TBC1D31: variants seen among roughly 807,000 people sequenced by gnomAD.
TBC1D31 encodes the protein TBC1 domain family member 31.
In TBC1D31, 99 loss-of-function variants were observed where a neutral mutation model predicts 132.9. The observed-to-expected ratio is 0.74, with a 90% CI of 0.63 to 0.88. TBC1D31 has a LOEUF of 0.88. TBC1D31 is among the 40% of genes least tolerant of loss of function. The pLI is 0.00. For missense variants in TBC1D31, 1,134 were observed against 1,256.6 expected (o/e 0.90, Z 1.48); for synonymous variants, 385 against 419.4 (o/e 0.92, Z 1.00).
At chr8:123,091,095 C>A (rs1380622787) in intron 4 of TBC1D31, among the ~76,000 whole-genome samples, 6 of 152,058 alleles carry the variant, frequency 3.9e-5, no homozygotes, top group Non-Finnish European at 7.4e-5. Context: ...CCTAACCCCC[C>A]AAAAAGTATA....
chr8:123,141,222 A>G (rs1211135465), intron 18 of TBC1D31, among the ~76,000 whole-genome samples: 1 of 152,216 alleles, frequency 6.6e-6, no homozygotes, highest in East Asian at 1.9e-4. Context: ...GCAAAGGAAT[A>G]GTGACTTTAC....
At position 123,144,740 on chromosome 8, in the gene TBC1D31, G is replaced by A. The variant is rs758359186; in HGVS notation, c.2859G>A (p.Glu953=). ...AGTGGAAGGAAGCTGAAGGAAAAGA[G>A]TTCCGTTTGAGATCAGCAAAGAAAG... is the stretch of plus-strand genomic sequence containing the variant. ...AKKWKEAEGK[E]FRLRSAKKAS... Residue 953 remains glutamate, a synonymous_variant, in exon 20 of 22, where the codon GAG becomes GAA. Transcript: ENST00000287380. 60 of 1,606,106 alleles carry A rather than the reference G, an allele frequency of 3.7e-5. No individual in the cohort carries two copies. The South Asian group carries it at 6.5e-4, about 17-fold the overall frequency.
In TBC1D31 at chr8:123,093,708, T is replaced by C; in HGVS notation, c.637T>C (p.Ser213Pro). 6.2e-7 allele frequency: 1 copy of C among 1,609,530 alleles called. No individual in the cohort carries two copies. Among genetic ancestry groups the C allele is most frequent in the East Asian group, 2.2e-5 (1 of 44,700 alleles). The change falls in exon 5 of 22, where the codon TCT becomes CCT. Residue 213 changes from serine (S) to proline (P), a missense_variant. Ser to Pro is a moderately conservative substitution (Grantham distance 74). Coordinates refer to ENST00000287380, the MANE Select transcript of TBC1D31 (RefSeq NM_145647.4). ...KYQLPAPPES[S>P]SILYKVFAVT... is the part of the protein sequence containing the mutation. ...TCAATTGCCAGCTCCACCTGAAAGC[T>C]CTAGTATATTATACAAAGTGTTTGC...
intron 2 of TBC1D31, among the ~76,000 whole-genome samples, chr8:123,082,010 A>C (rs1041632382): frequency 2.0e-5 from 3 of 152,238 alleles, no homozygotes; most frequent in African/African-American, 7.2e-5. Flanking sequence ...GCTCCTAGAA[A>C]AATTTAAATT....
At chr8:123,155,023 C>CG (rs919739288), downstream of TBC1D31, among the ~76,000 whole-genome samples, 2 of 152,162 alleles carry the variant, frequency 1.3e-5, no homozygotes, top group Non-Finnish European at 2.9e-5. The surrounding 1 kb of genome is among the most constrained non-coding windows in gnomAD (Gnocchi z 4.1). Context: ...ATAACTGCCA[C>CG]GCTTATACCA....
intron 10 of TBC1D31, among the ~76,000 whole-genome samples, chr8:123,117,645 C>T (rs12547724): frequency 0.57 from 84,645 of 149,140 alleles, 24,115 homozygotes; most frequent in Admixed American, 0.62. Context: ...CCCAGCTACT[C>T]GGGAGGCTGA....
chr8:123,091,108 T>A (rs1452011750), intron 4 of TBC1D31, among the ~76,000 whole-genome samples: 1 of 152,126 alleles, frequency 6.6e-6, no homozygotes, highest in African/African-American at 2.4e-5. Context: ...AAAGTATACT[T>A]TGTTAATGTT....
chr8:123,128,672 C>T (rs891889307), intron 14 of TBC1D31, among the ~76,000 whole-genome samples, 159 bp downstream of exon 14: 1 of 152,028 alleles, frequency 6.6e-6, no homozygotes, highest in Non-Finnish European at 1.5e-5. Context: ...GTCAGGAGTT[C>T]GAGACCAGCC....
At chr8:123,163,763 G>A in the TBC1D31 span, among the ~76,000 whole-genome samples, 1 of 152,270 alleles carries the variant, frequency 6.6e-6, no homozygotes, top group Non-Finnish European at 1.5e-5. Context: ...TGATTTCTGA[G>A]ATTTTGGTGC....
In TBC1D31 at chr8:123,128,332, G is replaced by A; in HGVS notation, c.1936G>A (p.Val646Ile). 1 of 1,613,260 alleles carries A rather than the reference G, an allele frequency of 6.2e-7. No individual in the cohort carries two copies. Among genetic ancestry groups the A allele is most frequent in the South Asian group, 1.1e-5 (1 of 91,030 alleles). ...GGATATAAATGTTGTGATTAGACAA[G>A]TTTATCATCTCATGGAGACCACGCC... ...NLDINVVIRQ[V>I]YHLMETTPTD... Residue 646 changes from valine to isoleucine, a missense_variant, in exon 14 of 22, where the codon GTT becomes ATT. By Grantham distance (29) the Val-to-Ile change is conservative (BLOSUM62 3). Transcript: ENST00000287380.
At chr8:123,121,960 C>T (rs1255987333) in intron 11 of TBC1D31, among the ~76,000 whole-genome samples, 5 of 152,148 alleles carry the variant, frequency 3.3e-5, no homozygotes, top group South Asian at 2.1e-4. Flanking sequence ...CATCATTAGT[C>T]ATTAGGGAAA....
rs551430895 is a variant in TBC1D31, at chr8:123,146,587, C to A, written c.2974+1732C>A. ...TCATCAGTCGATGGACATCTGGATTCTTTCCAATTTTTGGCTTCATGAATA... is the reference window on the plus strand; with the variant it reads ...TCATCAGTCGATGGACATCTGGATTATTTCCAATTTTTGGCTTCATGAATA... On this transcript the variant is annotated intron_variant, in intron 20 of 21. Coordinates refer to ENST00000287380, the MANE Select transcript of TBC1D31 (RefSeq NM_145647.4). Among the ~76,000 whole-genome samples the A allele has an allele frequency of 8.5e-4, 130 of 152,058 alleles. 2 individuals are homozygous for A. Among genetic ancestry groups the A allele is most frequent in the Middle Eastern group, 3.4e-3 (1 of 294 alleles).
intron 10 of TBC1D31, among the ~76,000 whole-genome samples, chr8:123,109,865 G>A (rs1000321967): frequency 2.6e-5 from 4 of 152,034 alleles, no homozygotes; most frequent in East Asian, 1.9e-4. Flanking sequence ...AGGCCAAGGC[G>A]GGCAGATCAG....
chr8:123,163,255 C>G, the TBC1D31 span, among the ~76,000 whole-genome samples: 1 of 151,292 alleles, frequency 6.6e-6, no homozygotes, highest in East Asian at 2.0e-4. Flanking sequence ...ACATATAATT[C>G]ACATACCATA....
chr8:123,151,339 A>C (rs1334073889), intron 21 of TBC1D31, among the ~76,000 whole-genome samples: 1 of 152,246 alleles, frequency 6.6e-6, no homozygotes, highest in Non-Finnish European at 1.5e-5. Context: ...GACATGTTGT[A>C]GTATTTTAAT....
intron 8 of TBC1D31, among the ~76,000 whole-genome samples, chr8:123,106,157 T>G (rs1360929064): frequency 6.6e-6 from 1 of 152,254 alleles, no homozygotes; most frequent in Non-Finnish European, 1.5e-5. Flanking sequence ...TCCATGGTTT[T>G]GTTTACATGT....
At chr8:123,118,869 G>A (rs1206521401) in intron 10 of TBC1D31, among the ~76,000 whole-genome samples, 2 of 152,114 alleles carry the variant, frequency 1.3e-5, no homozygotes, top group Admixed American at 6.5e-5. Context: ...AGTAGTAGGC[G>A]TGTGCCACCA....
At chr8:123,161,958 C>T in the TBC1D31 span, among the ~76,000 whole-genome samples, 2 of 136,252 alleles carry the variant, frequency 1.5e-5, no homozygotes, top group Admixed American at 8.5e-5. Context: ...GCGGAGGTTG[C>T]AGTGAGCCGA....
chr8:123,153,542 A>G (rs1325070056), downstream of TBC1D31, among the ~76,000 whole-genome samples: 1 of 152,168 alleles, frequency 6.6e-6, no homozygotes, highest in African/African-American at 2.4e-5. Flanking sequence ...TTCTCCAGTA[A>G]TCTTGATGCA....
Sources: gnomAD v4.1 joint callset for allele counts (sites outside exome capture counted in the v4.1 genomes callset) on GRCh38, gnomAD v4.1.1 for gene constraint, Gnocchi (gnomAD v3.1) non-coding constraint, MANE v1.5 for transcripts, NCBI Gene and HGNC (gene_info 2026-07-23, HGNC 2026-07-21) for gene names.